The following PPP2R5E variants were observed in gnomAD, a reference collection of about 807,000 sequenced individuals.
PPP2R5E encodes the protein protein phosphatase 2 regulatory subunit B'epsilon.
A neutral mutation model predicts 65.3 loss-of-function variants in PPP2R5E; 4 were observed. That is an observed-to-expected ratio of 0.06 (90% confidence interval 0.03 to 0.14). PPP2R5E has a LOEUF of 0.14. Ranked by LOEUF, PPP2R5E falls within the 10% of genes least tolerant of loss-of-function variation. The probability of loss-of-function intolerance (pLI) is 1.00; values close to 1 mark genes in which losing one functional copy is unlikely to be tolerated. For synonymous variants in PPP2R5E, 183 were observed against 187.4 expected, an observed-to-expected ratio of 0.98 and a Z score of 0.19; for missense variants, 274 against 556.1, an observed-to-expected ratio of 0.49 and a Z score of 5.10.
At chr14:63,396,418 AG>A (rs1322467730) in intron 6 of PPP2R5E, among the ~76,000 whole-genome samples, 167 bp downstream of exon 6, 2 of 51,050 alleles carry the variant, frequency 3.9e-5, no homozygotes, top group African/African-American at 8.0e-5. Flanking sequence ...GGAGGAGAGG[AG>A]GGGGAGGGGG....
At chr14:63,419,087 T>G (rs1886865452) in intron 4 of PPP2R5E, among the ~76,000 whole-genome samples, 1 of 152,200 alleles carries the variant, frequency 6.6e-6, no homozygotes, top group Non-Finnish European at 1.5e-5. Flanking sequence ...CTTCAAGTGA[T>G]CCACCCGCCT....
intron 2 of PPP2R5E, among the ~76,000 whole-genome samples, chr14:63,481,689 G>C (rs1476973451): frequency 1.3e-5 from 2 of 151,988 alleles, no homozygotes; most frequent in African/African-American, 4.8e-5. Context: ...CTTTATATTA[G>C]TTTGAATTAT....
chr14:63,394,070 CTTTTTTTTTTT>C (rs557273298), intron 7 of PPP2R5E, 142 bp from the exon 8 acceptor site: 100 of 181,270 alleles, frequency 5.5e-4, no homozygotes, highest in East Asian at 1.9e-3. Context: ...TCAGAATTTC[CTTTTTTTTTTT>C]TTTTTTTTTT....
At chr14:63,399,207 C>G (rs2145603) in intron 5 of PPP2R5E, among the ~76,000 whole-genome samples, 45,310 of 151,848 alleles carry the variant, frequency 0.3, 12,904 homozygotes, top group African/African-American at 0.74. Flanking sequence ...GTTACAACAT[C>G]AATGAATCTT....
At chr14:63,442,348 A>G (rs1888277014) in intron 3 of PPP2R5E, among the ~76,000 whole-genome samples, 1 of 152,136 alleles carries the variant, frequency 6.6e-6, no homozygotes, top group Non-Finnish European at 1.5e-5. Flanking sequence ...TCCATTATGT[A>G]TAATTCTAAT....
In PPP2R5E at chr14:63,465,809, G is replaced by A. The variant is rs115097850; in HGVS notation, c.158-11924C>T. ...TCCTAATTTGATAAAAAGGAATTAC[G>A]GAACAAATTTCCAGGATGTGCCTGA... On this transcript the variant is annotated intron_variant, in intron 2 of 13. Coordinates refer to ENST00000337537, the MANE Select transcript of PPP2R5E (RefSeq NM_006246.5). 9.7e-3 allele frequency among the ~76,000 whole-genome samples: 1,469 copies of A among 152,138 alleles called. 30 individuals carry two copies. The highest frequency in any genetic ancestry group is 0.034 in the African/African-American group (1,406 of 41,488).
intron 2 of PPP2R5E, among the ~76,000 whole-genome samples, chr14:63,491,433 C>T (rs1028609123): frequency 6.6e-6 from 1 of 151,768 alleles, no homozygotes; most frequent in Non-Finnish European, 1.5e-5. Flanking sequence ...ATATAAAATA[C>T]ACATGAGACT....
At chr14:63,533,841 G>A (rs577551413) in intron 2 of PPP2R5E, among the ~76,000 whole-genome samples, 3 of 152,160 alleles carry the variant, frequency 2.0e-5, no homozygotes, top group South Asian at 2.1e-4. Flanking sequence ...GCTACTCTCC[G>A]CAGGCTGAGG....
chr14:63,503,682 T>C (rs1217311611), intron 2 of PPP2R5E, among the ~76,000 whole-genome samples: 1 of 152,232 alleles, frequency 6.6e-6, no homozygotes, highest in African/African-American at 2.4e-5. Context: ...AAAAGCACTT[T>C]AATTTACTAT....
chr14:63,416,605 T>C (rs1282591298), intron 4 of PPP2R5E, among the ~76,000 whole-genome samples: 1 of 151,684 alleles, frequency 6.6e-6, no homozygotes, highest in Non-Finnish European at 1.5e-5. Context: ...ATATATATGA[T>C]ATATATAATA....
chr14:63,397,519 A>G (rs990379981), intron 5 of PPP2R5E, among the ~76,000 whole-genome samples: 1 of 149,184 alleles, frequency 6.7e-6, no homozygotes, highest in Admixed American at 6.6e-5. Context: ...AAAAAAAAAA[A>G]AAAAAAAAAA....
At position 63,421,977 on chromosome 14, in the gene PPP2R5E, T is replaced by C. The variant is rs1887052968; in HGVS notation, c.456+16A>G. The C allele has an allele frequency of 6.4e-7, 1 of 1,569,984 alleles. No individual in the cohort carries two copies. ...TAATGGAGTTTTCTTTTATAACAAATGGTATTTCAAAGTACCTGTAAGTGT... is the reference window on the plus strand; with the variant it reads ...TAATGGAGTTTTCTTTTATAACAAACGGTATTTCAAAGTACCTGTAAGTGT... On this transcript the variant is annotated intron_variant, in intron 4 of 13. Transcript: ENST00000337537.
intron 2 of PPP2R5E, among the ~76,000 whole-genome samples, chr14:63,505,460 G>GACA: frequency 6.6e-6 from 1 of 152,102 alleles, no homozygotes. Context: ...CATTAATAAT[G>GACA]ACAACCTGCT....
At chr14:63,436,967 A>C (rs542558668) in intron 3 of PPP2R5E, among the ~76,000 whole-genome samples, 1 of 152,296 alleles carries the variant, frequency 6.6e-6, no homozygotes, top group African/African-American at 2.4e-5. Context: ...CACAGGATGA[A>C]ATAGGAAGTC....
chr14:63,540,228 C>T (rs112668966), intron 1 of PPP2R5E, among the ~76,000 whole-genome samples: 35 of 151,586 alleles, frequency 2.3e-4, no homozygotes, highest in Admixed American at 4.0e-4. Context: ...GTCAGGAGTT[C>T]GAGACTAGCC....
chr14:63,430,963 T>C (rs576251290), intron 3 of PPP2R5E, among the ~76,000 whole-genome samples: 36 of 152,228 alleles, frequency 2.4e-4, no homozygotes, highest in Non-Finnish European at 1.9e-4. Flanking sequence ...TTCAAATCTG[T>C]TATTATAGTA....
rs1889143945 is a variant in PPP2R5E at position 63,456,679 on chromosome 14, C to T, written c.158-2794G>A. 2.0e-5 allele frequency among the ~76,000 whole-genome samples: 3 copies of T among 152,210 alleles called. No individual in the cohort carries two copies. The South Asian group carries it at 6.2e-4, about 32-fold the overall frequency. Reference sequence around the variant, plus strand: ...ATAAGCAGTGGAGACAGGATTCAAACCCAAGTGGATTGGCTCCAAAGCCTG... The same window carrying T: ...ATAAGCAGTGGAGACAGGATTCAAATCCAAGTGGATTGGCTCCAAAGCCTG... On this transcript the variant is annotated intron_variant, in intron 2 of 13. Transcript: ENST00000337537.
intron 2 of PPP2R5E, among the ~76,000 whole-genome samples, chr14:63,520,994 G>A (rs28607114): frequency 0.14 from 20,573 of 151,230 alleles, 1,511 homozygotes; most frequent in African/African-American, 0.18. Context: ...AGCCAAGATC[G>A]CGCCACTGCA....
chr14:63,397,260 G>A (rs1885449557), intron 5 of PPP2R5E, among the ~76,000 whole-genome samples: 3 of 152,118 alleles, frequency 2.0e-5, no homozygotes, highest in Non-Finnish European at 4.4e-5. Flanking sequence ...CCAGCACCTG[G>A]GGAGGCCAAG....
Sources: allele counts gnomAD v4.1 joint callset (sites outside exome capture counted in the v4.1 genomes callset), GRCh38; gene constraint gnomAD v4.1.1; transcripts MANE v1.5; gene names NCBI Gene and HGNC (gene_info 2026-07-23, HGNC 2026-07-21).